Variants in EGFLAM observed in about 807,000 individuals in gnomAD.
The protein encoded by EGFLAM is EGF like, fibronectin type III and laminin G domains, also known as pikachurin.
EGFLAM carries 79 observed loss-of-function variants against 113.1 expected under a neutral mutation model. The observed-to-expected ratio is 0.70, with a 90% CI of 0.58 to 0.84. The LOEUF is 0.84. Ranked by LOEUF, EGFLAM falls within the 40% of genes least tolerant of loss-of-function variation. The pLI is 0.00. For synonymous variants in EGFLAM, 504 were observed against 487.6 expected (o/e 1.03, Z -0.44); for missense variants, 1,265 against 1,291.6 (o/e 0.98, Z 0.32).
intron 17 of EGFLAM, among the ~76,000 whole-genome samples, chr5:38,440,257 AG>A (rs1742490406): frequency 1.3e-5 from 2 of 152,222 alleles, no homozygotes; most frequent in Admixed American, 6.5e-5. Context: ...ATGTTGAATT[AG>A]TATCAGATTG....
At chr5:38,278,416 T>A (rs1388457585) in intron 1 of EGFLAM, among the ~76,000 whole-genome samples, 1 of 151,630 alleles carries the variant, frequency 6.6e-6, no homozygotes, top group Non-Finnish European at 1.5e-5. Context: ...AAGACTTAAA[T>A]CTAAGACCCA....
intron 1 of EGFLAM, among the ~76,000 whole-genome samples, chr5:38,273,562 T>C (rs1443973825): frequency 6.6e-6 from 1 of 152,258 alleles, no homozygotes; most frequent in Non-Finnish European, 1.5e-5. Flanking sequence ...TAGCCCGTGC[T>C]GTGACAGCTT....
In EGFLAM at chr5:38,458,306, C is replaced by T. The variant is rs376003924; in HGVS notation, c.2688-5C>T. 6.2e-7 allele frequency: 1 copy of T among 1,613,072 alleles called. No individual in the cohort carries two copies. On this transcript the variant is annotated splice_polypyrimidine_tract_variant and splice_region_variant and intron_variant, in intron 19 of 21. Transcript: ENST00000322350. The stretch of plus-strand genomic sequence containing the variant: ...TCTCTGTCTTCTTCTTCTCCAATGC[C>T]TTAGCTATAACCTGGGCAGTGGTGT...
intron 1 of EGFLAM, among the ~76,000 whole-genome samples, chr5:38,288,683 C>T (rs1201676060): frequency 1.3e-5 from 2 of 152,110 alleles, no homozygotes; most frequent in Non-Finnish European, 2.9e-5. Flanking sequence ...AGACTAAATG[C>T]TAATTTTCTT....
chr5:38,323,230 G>GAGTACAAAACTA (rs1738786177), intron 1 of EGFLAM, among the ~76,000 whole-genome samples: 1 of 152,144 alleles, frequency 6.6e-6, no homozygotes, highest in Non-Finnish European at 1.5e-5. Context: ...TTATGAATTG[G>GAGTACAAAACTA]ATTACAAAAC....
intron 9 of EGFLAM, 30 bp downstream of exon 9, chr5:38,407,935 T>G (rs1741346552): frequency 5.9e-6 from 9 of 1,520,586 alleles, no homozygotes; most frequent in Non-Finnish European, 8.2e-6. Flanking sequence ...TGATGAGTGC[T>G]TTTTGGACAC....
chr5:38,412,671 G>C, intron 11 of EGFLAM, 23 bp downstream of exon 11: 2 of 1,609,792 alleles, frequency 1.2e-6, no homozygotes, highest in Non-Finnish European at 1.7e-6. Flanking sequence ...CCCACACCCT[G>C]CCCACCCCAC....
At chr5:38,437,852 G>C (rs528808583) in intron 16 of EGFLAM, among the ~76,000 whole-genome samples, 116 of 152,148 alleles carry the variant, frequency 7.6e-4, no homozygotes, top group Middle Eastern at 3.4e-3. Context: ...GGCCTGGCGC[G>C]GTGGCTCACG....
chr5:38,339,230 T>A (rs988958850), intron 3 of EGFLAM, among the ~76,000 whole-genome samples: 2 of 152,240 alleles, frequency 1.3e-5, no homozygotes, highest in African/African-American at 4.8e-5. Flanking sequence ...TGTTTATTTT[T>A]TTTTCAAGCC....
At chr5:38,350,724 C>T (rs772421655) in intron 4 of EGFLAM, 106 bp downstream of exon 4, 5 of 1,079,950 alleles carry the variant, frequency 4.6e-6, no homozygotes, top group African/African-American at 1.6e-5. Flanking sequence ...CTGTGCTAGG[C>T]TCTGGGAATT....
At chr5:38,355,763 A>G (rs1739747683) in intron 5 of EGFLAM, among the ~76,000 whole-genome samples, 2 of 152,122 alleles carry the variant, frequency 1.3e-5, no homozygotes, top group South Asian at 2.1e-4. Context: ...TCTCAAATTC[A>G]TATGTATATA....
intron 14 of EGFLAM, among the ~76,000 whole-genome samples, chr5:38,430,893 G>A (rs1457938138): frequency 1.3e-5 from 2 of 152,180 alleles, no homozygotes; most frequent in African/African-American, 4.8e-5. Context: ...AGAACCAGGA[G>A]CACTGATGTT....
In EGFLAM at chr5:38,406,962, G is replaced by T. The variant is rs1232140531; in HGVS notation, c.963G>T (p.Val321=). The T allele has an allele frequency of 1.2e-6, 2 of 1,614,186 alleles. No individual in the cohort carries two copies. The highest frequency in any genetic ancestry group is 1.7e-6 in the Non-Finnish European group (2 of 1,180,036). The change falls in exon 8 of 22, where the codon GTG becomes GTT. Residue 321 remains valine, a synonymous_variant. Coordinates refer to ENST00000322350, the MANE Select transcript of EGFLAM (RefSeq NM_152403.4). ...CAGCATCTCTCCCTGTGACCACGGTGGCTCCCCAGCCCATTCCCATACAGA... is the reference window on the plus strand; with the variant it reads ...CAGCATCTCTCCCTGTGACCACGGTTGCTCCCCAGCCCATTCCCATACAGA... ...PTSASLPVTT[V]APQPIPIQRK...
intron 6 of EGFLAM, among the ~76,000 whole-genome samples, chr5:38,400,406 T>C (rs1323241086): frequency 1.3e-5 from 2 of 152,334 alleles, no homozygotes; most frequent in East Asian, 3.9e-4. Context: ...TGTCTCCTTT[T>C]TAATGTTCTC....
Position 38,412,503 on chromosome 5 carries a change from G to T in EGFLAM, c.1350-1G>T. On this transcript the variant is annotated splice_acceptor_variant, in intron 10 of 21. Transcript: ENST00000322350. LOFTEE classifies it high-confidence loss of function. ...CTTCTTTTCCTTTTCCTCCCCAACAGGTTTAATTGTGGAACTGGGGTTGCC... is the reference window on the plus strand; with the variant it reads ...CTTCTTTTCCTTTTCCTCCCCAACATGTTTAATTGTGGAACTGGGGTTGCC... The T allele has an allele frequency of 6.2e-7, 1 of 1,614,112 alleles. No homozygotes were observed. Among genetic ancestry groups the T allele is most frequent in the Non-Finnish European group, 8.5e-7 (1 of 1,180,026 alleles).
At chr5:38,401,505 T>C (rs1271186868) in intron 6 of EGFLAM, among the ~76,000 whole-genome samples, 1 of 152,148 alleles carries the variant, frequency 6.6e-6, no homozygotes, top group Non-Finnish European at 1.5e-5. Context: ...GGTGTTTAGA[T>C]CTCTTTCCAT....
chr5:38,302,056 G>T lies in EGFLAM; in HGVS notation c.98-35464G>T, dbSNP rs143353717. ...GGAGTTTGAGACCAGCCTGGCCAAC[G>T]TAGCGAAACCCCGTCTCTACTAAAT... On this transcript the variant is annotated intron_variant, in intron 1 of 21. Transcript: ENST00000322350. 2.8e-3 allele frequency among the ~76,000 whole-genome samples: 426 copies of T among 152,024 alleles called. 3 individuals carry two copies. The highest frequency in any genetic ancestry group is 9.9e-3 in the African/African-American group (410 of 41,480).
chr5:38,313,906 T>C (rs1738522047), intron 1 of EGFLAM, among the ~76,000 whole-genome samples: 1 of 152,240 alleles, frequency 6.6e-6, no homozygotes, highest in Non-Finnish European at 1.5e-5. Context: ...TTAAACGATA[T>C]TAATCTTTGT....
chr5:38,368,114 A>C (rs750355475), intron 5 of EGFLAM, among the ~76,000 whole-genome samples: 1 of 152,208 alleles, frequency 6.6e-6, no homozygotes, highest in Non-Finnish European at 1.5e-5. Context: ...TCCTCTATAA[A>C]TATCACAAGG....
Sources: gnomAD v4.1 joint callset for allele counts (sites outside exome capture counted in the v4.1 genomes callset) on GRCh38, gnomAD v4.1.1 for gene constraint, MANE v1.5 for transcripts, NCBI Gene and HGNC (gene_info 2026-07-23, HGNC 2026-07-21) for gene names.